Variants in DSCAM observed in about 807,000 individuals in gnomAD.
DSCAM encodes the protein DS cell adhesion molecule, also known as cell adhesion molecule DSCAM.
Under a neutral mutation model 217.7 loss-of-function variants are expected in DSCAM, and 47 were observed. That is an observed-to-expected ratio of 0.22 (90% CI 0.17 to 0.28). The LOEUF (loss-of-function observed/expected upper bound fraction) is 0.28, where lower values mean the gene tolerates loss of function less well. DSCAM is among the 10% of genes least tolerant of loss of function. The pLI, the probability that DSCAM is intolerant of heterozygous loss-of-function variation, is 1.00. For synonymous variants in DSCAM, 1,056 were observed against 1,015.3 expected, an observed-to-expected ratio of 1.04 and a Z score of -0.76; for missense variants, 2,080 against 2,618.3, an observed-to-expected ratio of 0.79 and a Z score of 4.49.
At chr21:40,190,342 C>A (rs974890340) in intron 11 of DSCAM, among the ~76,000 whole-genome samples, 14 of 151,972 alleles carry the variant, frequency 9.2e-5, no homozygotes, top group African/African-American at 3.4e-4. Flanking sequence ...GAGAGAAAAA[C>A]CAGAGACCAA....
intron 3 of DSCAM, among the ~76,000 whole-genome samples, chr21:40,514,468 A>G (rs984229813): frequency 1.3e-5 from 2 of 152,196 alleles, no homozygotes; most frequent in African/African-American, 4.8e-5. Flanking sequence ...GTCAGAGCTT[A>G]ACTCCTAATT....
chr21:40,494,714 A>G (rs1317308117), intron 3 of DSCAM, among the ~76,000 whole-genome samples: 1 of 152,032 alleles, frequency 6.6e-6, no homozygotes, highest in Non-Finnish European at 1.5e-5. Context: ...AAAAAGGAGA[A>G]CAAACTAAGC....
chr21:40,026,431 G>A (rs1417486212), intron 32 of DSCAM, among the ~76,000 whole-genome samples: 2 of 140,282 alleles, frequency 1.4e-5, no homozygotes, highest in African/African-American at 5.4e-5. Flanking sequence ...TATCCTTGTT[G>A]ACTTTCTGTC....
rs374778914 is a variant in DSCAM, at chr21:40,479,915, C to T, written c.509-110670G>A. Among the ~76,000 whole-genome samples, 121 of 152,240 alleles carry T rather than the reference C, an allele frequency of 7.9e-4. 1 individual carries two copies. Among genetic ancestry groups the T allele is most frequent in the African/African-American group, 1.8e-3 (73 of 41,536 alleles). On this transcript the variant is annotated intron_variant, in intron 3 of 32. Transcript: ENST00000400454. ...GTGTGTGTACATGCGTATGCATGTA[C>T]GCACACACAAACTCACACACACAGC...
chr21:40,815,167 C>G (rs118086919), intron 1 of DSCAM, among the ~76,000 whole-genome samples: 1 of 152,052 alleles, frequency 6.6e-6, no homozygotes, highest in South Asian at 2.1e-4. Context: ...AGTTCCAGTT[C>G]CCAAAGAAAA....
rs748484459 is a variant in DSCAM, at chr21:40,346,155, T to G, written c.1210+1515A>C. Reference sequence around the variant, plus strand: ...ACAAAGAATCTAAAAATAGTGACTATGTAAGGACTAGAGTGCATCATCATT... The same window carrying G: ...ACAAAGAATCTAAAAATAGTGACTAGGTAAGGACTAGAGTGCATCATCATT... On this transcript the variant is annotated intron_variant, in intron 6 of 32. Transcript: ENST00000400454. Among the ~76,000 whole-genome samples the G allele has an allele frequency of 3.0e-4, 45 of 152,356 alleles. 1 individual carries two copies. The highest frequency in any genetic ancestry group is 5.3e-4 in the Non-Finnish European group (36 of 68,032).
chr21:40,267,898 AAAAAAGAAAG>A (rs2073561879), intron 11 of DSCAM, among the ~76,000 whole-genome samples: 2 of 152,128 alleles, frequency 1.3e-5, no homozygotes, highest in Admixed American at 1.3e-4. Context: ...CTCCACCTCA[AAAAAAGAAAG>A]AAAAATCTGG....
chr21:40,166,841 G>T (rs2090599812), intron 16 of DSCAM, among the ~76,000 whole-genome samples: 1 of 152,092 alleles, frequency 6.6e-6, no homozygotes, highest in South Asian at 2.1e-4. Flanking sequence ...CACCTCGGTG[G>T]ACTGTCTGCC....
intron 3 of DSCAM, among the ~76,000 whole-genome samples, chr21:40,577,890 C>T (rs865928851): frequency 1.3e-5 from 2 of 152,132 alleles, no homozygotes; most frequent in African/African-American, 2.4e-5. Context: ...GCCACAGTAT[C>T]TTATCAGTTA....
At chr21:40,406,968 G>C (rs909340976) in intron 3 of DSCAM, among the ~76,000 whole-genome samples, 2 of 152,070 alleles carry the variant, frequency 1.3e-5, no homozygotes, top group African/African-American at 4.8e-5. Context: ...AGAGTAGAAT[G>C]GTGGTTACCT....
chr21:40,433,246 G>A (rs200188744), intron 3 of DSCAM, among the ~76,000 whole-genome samples: 1 of 151,658 alleles, frequency 6.6e-6, no homozygotes, highest in East Asian at 1.9e-4. Flanking sequence ...CTACGCGGGA[G>A]GCTGAGGCAG....
intron 1 of DSCAM, among the ~76,000 whole-genome samples, chr21:40,731,019 T>TA (rs2091005984): frequency 6.6e-6 from 1 of 152,204 alleles, no homozygotes; most frequent in Non-Finnish European, 1.5e-5. Context: ...ATAATTTACA[T>TA]ATTTATTGTT....
intron 1 of DSCAM, among the ~76,000 whole-genome samples, chr21:40,828,589 G>A (rs371091311): frequency 2.2e-4 from 33 of 151,914 alleles, no homozygotes; most frequent in African/African-American, 7.0e-4. Flanking sequence ...TCGGTCTCCC[G>A]TCAGCCTGTG....
chr21:40,433,827 A>C (rs1027756360), intron 3 of DSCAM, among the ~76,000 whole-genome samples: 37 of 152,326 alleles, frequency 2.4e-4, no homozygotes, highest in African/African-American at 8.7e-4. Flanking sequence ...TGATGACATC[A>C]TCTGAGGTAG....
chr21:40,070,269 G>T (rs1449172650), intron 27 of DSCAM, among the ~76,000 whole-genome samples: 3 of 136,190 alleles, frequency 2.2e-5, no homozygotes, highest in Non-Finnish European at 4.8e-5. Flanking sequence ...AGGGAGGGAG[G>T]GAGTGAAGGA....
intron 1 of DSCAM, among the ~76,000 whole-genome samples, chr21:40,771,035 T>G (rs2091439667): frequency 6.6e-6 from 1 of 152,080 alleles, no homozygotes; most frequent in South Asian, 2.1e-4. Flanking sequence ...AGCCTGGACA[T>G]GGCATAGCAC....
At chr21:40,138,777 A>G (rs1180998430) in intron 18 of DSCAM, among the ~76,000 whole-genome samples, 1 of 117,990 alleles carries the variant, frequency 8.5e-6, no homozygotes, top group African/African-American at 3.4e-5. Flanking sequence ...TGTGCAGTGT[A>G]TGGGGGGTAT....
intron 20 of DSCAM, 76 bp from the exon 21 acceptor site, chr21:40,093,950 T>A: frequency 6.8e-7 from 1 of 1,467,866 alleles, no homozygotes; most frequent in Non-Finnish European, 9.3e-7. Flanking sequence ...GGAATGGTCA[T>A]GAACATATTA....
At chr21:40,065,260 G>C (rs985243485) in intron 27 of DSCAM, among the ~76,000 whole-genome samples, 1 of 151,982 alleles carries the variant, frequency 6.6e-6, no homozygotes, top group Non-Finnish European at 1.5e-5. Flanking sequence ...TCAATATCGG[G>C]GGACATTAGG....
Sources: allele counts gnomAD v4.1 joint callset (sites outside exome capture counted in the v4.1 genomes callset), GRCh38; gene constraint gnomAD v4.1.1; transcripts MANE v1.5; gene names NCBI Gene and HGNC (gene_info 2026-07-23, HGNC 2026-07-21).